Variants in SYVN1 observed in about 807,000 individuals in gnomAD.
The protein encoded by SYVN1 is E3 ubiquitin-protein ligase synoviolin.
A neutral mutation model predicts 62.6 loss-of-function variants in SYVN1; 17 were observed. The ratio of observed to expected loss-of-function variants is 0.27; its 90% CI spans 0.19 to 0.41. The LOEUF (loss-of-function observed/expected upper bound fraction) is 0.41. SYVN1 is among the 10% of genes least tolerant of loss of function. The pLI, the probability that SYVN1 is intolerant of heterozygous loss-of-function variation, is 1.00. For missense variants in SYVN1, 634 were observed against 818.0 expected, an observed-to-expected ratio of 0.78 and a Z score of 2.74; for synonymous variants, 316 against 304.0, an observed-to-expected ratio of 1.04 and a Z score of -0.41.
chr11:65,129,528 C>T (rs1565343705), intron 14 of SYVN1: 2 of 566,196 alleles, frequency 3.5e-6, no homozygotes, highest in East Asian at 2.8e-5. Flanking sequence ...AACATCACTC[C>T]TACTTAGATC....
At position 65,130,832 on chromosome 11, in the gene SYVN1, C is replaced by A; in HGVS notation, c.942-9G>T. On this transcript the variant is annotated splice_polypyrimidine_tract_variant and intron_variant, in intron 10 of 15. Transcript: ENST00000377190. The stretch of plus-strand genomic sequence containing the variant: ...ACCAGGAGCGCAGGCAGCTGCGGGT[C>A]AAGGCCAGGCAGAGGTCAGCAGGTC... 9.5e-6 allele frequency: 15 copies of A among 1,580,092 alleles called. No homozygotes were observed. The highest frequency in any genetic ancestry group is 1.2e-5 in the Non-Finnish European group (14 of 1,166,820).
rs1196247467 is a variant in SYVN1 at position 65,130,782 on chromosome 11, G to A, written c.983C>T (p.Thr328Ile). 6 of 1,547,458 alleles carry A rather than the reference G, an allele frequency of 3.9e-6. No homozygotes were observed. The highest frequency in any genetic ancestry group is 2.7e-5 in the African/African-American group (2 of 72,804). Residue 328 changes from threonine (T) to isoleucine (I), a missense_variant, in exon 11 of 16, where the codon ACC becomes ATC. Thr to Ile is a moderately conservative substitution (Grantham distance 89, BLOSUM62 -1). Transcript: ENST00000377190. ...SWFQRQQTCP[T>I]CRMDVLRASL... ...TGCACGAAGGACATCCATACGGCAG[G>A]TGGGGCAGGTCTGCTGCCGCTGGAA...
At position 65,131,012 on chromosome 11, in the gene SYVN1, C is replaced by T; in HGVS notation, c.849G>A (p.Glu283=). ...NTLYPDATPE[E]LQAMDNVCII... ...TGCAGACATTGTCCATTGCCTGGAG[C>T]TCCTCTGGGGTGGCATCTGGATACC... The change falls in exon 10 of 16, where the codon GAG becomes GAA. Residue 283 remains glutamate (E), a synonymous_variant. Coordinates refer to ENST00000377190, the MANE Select transcript of SYVN1 (RefSeq NM_172230.3). 6.2e-7 allele frequency: 1 copy of T among 1,614,144 alleles called. No homozygotes were observed. Among genetic ancestry groups the T allele is most frequent in the African/African-American group, 1.3e-5 (1 of 75,044 alleles).
chr11:65,131,636 C>A, intron 6 of SYVN1, 40 bp from the exon 7 acceptor site: 1 of 1,603,138 alleles, frequency 6.2e-7, no homozygotes, highest in South Asian at 1.1e-5. Context: ...AAACACATAG[C>A]TCCCCCTTGC....
In SYVN1 at chr11:65,128,665, T is replaced by C; in HGVS notation, c.1645A>G (p.Thr549Ala). The C allele has an allele frequency of 6.2e-7, 1 of 1,613,720 alleles. No homozygotes were observed. The highest frequency in any genetic ancestry group is 8.5e-7 in the Non-Finnish European group (1 of 1,179,834). ...SVNSTEETAT[T>A]VVAAASSTSI... ...GTGGAGGAGGCAGCAGCAACAACTG[T>C]AGTGGCAGTCTCCTCAGTGGAGTTG... The change falls in exon 15 of 16, where the codon ACA (threonine) becomes GCA (alanine). Residue 549 changes from threonine (T) to alanine (A), a missense_variant. Coordinates refer to ENST00000377190, the MANE Select transcript of SYVN1 (RefSeq NM_172230.3).
chr11:65,133,884 T>A (rs896867625), intron 1 of SYVN1, among the ~76,000 whole-genome samples: 1 of 152,134 alleles, frequency 6.6e-6, no homozygotes, highest in African/African-American at 2.4e-5. Context: ...AGCCGCCTCC[T>A]CTAGGGAGGT....
chr11:65,128,398 G>A lies in SYVN1; in HGVS notation c.1838C>T (p.Ser613Phe), dbSNP rs756153773. 2 of 1,613,312 alleles carry A rather than the reference G, an allele frequency of 1.2e-6. No individual in the cohort carries two copies. The highest frequency in any genetic ancestry group is 1.1e-5 in the South Asian group (1 of 91,030). Residue 613 changes from serine (S) to phenylalanine (F), a missense_variant, in exon 16 of 16, where the codon TCT becomes TTT. Coordinates refer to ENST00000377190, the MANE Select transcript of SYVN1 (RefSeq NM_172230.3). Reference sequence around the variant, plus strand: ...GGGGCAGTGTCAGTGGGCAACAGGAGACTCCAGCTTCTGCAGGCGGCGCCG... The same window carrying A: ...GGGGCAGTGTCAGTGGGCAACAGGAAACTCCAGCTTCTGCAGGCGGCGCCG... ...LRRRRLQKLE[S>F]PVAH
chr11:65,129,512 C>G (rs1236119499), intron 14 of SYVN1: 8 of 514,270 alleles, frequency 1.6e-5, no homozygotes, highest in Middle Eastern at 5.0e-4. Context: ...AGTCAGCTCT[C>G]GAATAAACAT....
In SYVN1 at chr11:65,130,768, C is replaced by T. The variant is rs747422079; in HGVS notation, c.997G>A (p.Val333Ile). The change falls in exon 11 of 16, where the codon GTC becomes ATC. Residue 333 changes from valine (V) to isoleucine (I), a missense_variant. Physicochemically the swap from Val to Ile is conservative, Grantham distance 29. This residue lies in a region of SYVN1 where 283 missense variants were observed against 444.7 expected (regional missense o/e 0.64). Transcript: ENST00000377190. ...TGCGCTGGCAGCGATGCACGAAGGA[C>T]ATCCATACGGCAGGTGGGGCAGGTC... The part of the protein sequence containing the change: ...QQTCPTCRMD[V>I]LRASLPAQSP... The T allele has an allele frequency of 9.7e-6, 15 of 1,543,956 alleles. No homozygotes were observed. In the East Asian group the frequency reaches 3.2e-4, roughly 32 times the overall value.
chr11:65,131,367 A>G lies in SYVN1; in HGVS notation c.665T>C (p.Ile222Thr). 1 of 1,614,062 alleles carries G rather than the reference A, an allele frequency of 6.2e-7. No individual in the cohort carries two copies. The highest frequency in any genetic ancestry group is 8.5e-7 in the Non-Finnish European group (1 of 1,179,980). The change falls in exon 8 of 16, where the codon ATC becomes ACC. Residue 222 changes from isoleucine to threonine, a missense_variant. Ile to Thr is a moderately conservative substitution (Grantham distance 89). This residue lies in a region of SYVN1 where 283 missense variants were observed against 444.7 expected (regional missense o/e 0.64). Coordinates refer to ENST00000377190, the MANE Select transcript of SYVN1 (RefSeq NM_172230.3). ...GAAGGCCATGTACAGCAGAACCTTG[A>G]TGAAGCCTGAGGGGAGGGGATGCAG... is the stretch of plus-strand genomic sequence containing the variant. ...MLYTELFTGF[I>T]KVLLYMAFMT... is the part of the protein sequence containing the mutation.
At chr11:65,132,144 A>C in intron 6 of SYVN1, 104 bp downstream of exon 6, 1 of 871,028 alleles carries the variant, frequency 1.1e-6, no homozygotes, top group Non-Finnish European at 2.0e-6. Flanking sequence ...TGGCCAGCAC[A>C]GGTTGGCCAC....
rs1418992344 is a variant in SYVN1, at chr11:65,133,591, G to A, written c.11C>T (p.Thr4Met). The A allele has an allele frequency of 1.9e-6, 3 of 1,610,388 alleles. No homozygotes were observed. Among genetic ancestry groups the A allele is most frequent in the African/African-American group, 1.3e-5 (1 of 75,068 alleles). ...CAGGCTGGCCGCCATCATCACTGCC[G>A]TGCGGAACATTGCCCTGGCCCGGAG... MFR[T>M]AVMMAASLAL... The change falls in exon 2 of 16, where the codon ACG (threonine) becomes ATG (methionine). Residue 4 changes from threonine (T) to methionine (M), a missense_variant. Thr to Met is a moderately conservative substitution (Grantham distance 81, BLOSUM62 -1). Coordinates refer to ENST00000377190, the MANE Select transcript of SYVN1 (RefSeq NM_172230.3).
At chr11:65,132,192 A>AG (rs1199920583) in intron 6 of SYVN1, 56 bp downstream of exon 6, 1 of 1,374,934 alleles carries the variant, frequency 7.3e-7, no homozygotes, top group Non-Finnish European at 1.0e-6. Context: ...GGGTTATTCA[A>AG]GGCACATGTG....
chr11:65,133,816 G>A (rs1473716191), intron 1 of SYVN1, among the ~76,000 whole-genome samples, 198 bp from the exon 2 acceptor site: 2 of 152,240 alleles, frequency 1.3e-5, no homozygotes, highest in African/African-American at 2.4e-5. Context: ...CTGACGCAAG[G>A]CCTGGAACCT....
intron 6 of SYVN1, 139 bp from the exon 7 acceptor site, chr11:65,131,735 C>T (rs751312465): frequency 1.1e-4 from 108 of 961,072 alleles, no homozygotes; most frequent in Non-Finnish European, 1.6e-4. Flanking sequence ...CTCCTAGCCC[C>T]TCCACTTACT....
chr11:65,130,381 T>C lies in SYVN1; in HGVS notation c.1106-2A>G, dbSNP rs1948162069. 3 of 1,527,736 alleles carry C rather than the reference T, an allele frequency of 2.0e-6. No homozygotes were observed. The highest frequency in any genetic ancestry group is 2.2e-5 in the Admixed American group (1 of 45,496). 94.6% of individuals were successfully genotyped at this position (1,527,736 alleles called of 1,614,324 possible). On this transcript the variant is annotated splice_acceptor_variant, in intron 11 of 15. Coordinates refer to ENST00000377190, the MANE Select transcript of SYVN1 (RefSeq NM_172230.3). LOFTEE classifies it high-confidence loss of function. The stretch of plus-strand genomic sequence containing the variant: ...AAGGAGGCAGGAGGCCCTGGGGGAC[T>C]GCAGAGAGAAGACGGAGGTAAGGAA...
chr11:65,129,334 G>C (rs950918417), intron 14 of SYVN1: 1 of 194,596 alleles, frequency 5.1e-6, no homozygotes. Context: ...GCTTGAACTT[G>C]AGCCAGGATG....
chr11:65,127,589 G>C lies in SYVN1; in HGVS notation c.*793C>G, dbSNP rs564068855. On this transcript the variant is annotated 3_prime_UTR_variant, in exon 16 of 16. Coordinates refer to ENST00000377190, the MANE Select transcript of SYVN1 (RefSeq NM_172230.3). ...GAAGTAATTCCAATTCTAAACTTCA[G>C]AAGTTCTGCCAGTTGAGAAGTGGCC... The C allele has an allele frequency of 5.9e-5, 9 of 153,106 alleles. No individual in the cohort carries two copies. The South Asian group carries it at 1.0e-3, about 17-fold the overall frequency. 9.5% of individuals were successfully genotyped at this position (153,106 alleles called of 1,614,324 possible).
At chr11:65,130,218 G>T in intron 12 of SYVN1, 33 bp downstream of exon 12, 4 of 1,608,996 alleles carry the variant, frequency 2.5e-6, no homozygotes, top group Non-Finnish European at 3.4e-6. Flanking sequence ...CATCCCTGCC[G>T]CCCCCTGGCT....
Sources: allele counts gnomAD v4.1 joint callset (sites outside exome capture counted in the v4.1 genomes callset), GRCh38; gene constraint gnomAD v4.1.1; regional missense constraint gnomAD v4.1.1; transcripts MANE v1.5; gene names NCBI Gene and HGNC (gene_info 2026-07-23, HGNC 2026-07-21).